The following NMNAT3 variants were observed in gnomAD, a reference collection of about 807,000 sequenced individuals.
The protein encoded by NMNAT3 is nicotinamide/nicotinic acid mononucleotide adenylyltransferase 3.
Under a neutral mutation model 24.8 loss-of-function variants are expected in NMNAT3, and 21 were observed. The observed-to-expected ratio is 0.85, with a 90% confidence interval of 0.60 to 1.22. The LOEUF is 1.22. NMNAT3 is among the 50% of genes most tolerant of loss of function. The pLI, the probability that NMNAT3 is intolerant of heterozygous loss-of-function variation, is 0.00. For missense variants in NMNAT3, 387 were observed against 436.6 expected, an observed-to-expected ratio of 0.89 and a Z score of 1.01; for synonymous variants, 136 against 155.2, an observed-to-expected ratio of 0.88 and a Z score of 0.92.
chr3:139,619,557 C>T (rs1288868458), intron 3 of NMNAT3, among the ~76,000 whole-genome samples: 1 of 152,132 alleles, frequency 6.6e-6, no homozygotes, highest in African/African-American at 2.4e-5. Context: ...TAAAGGAGAG[C>T]CTGCAAGTCC....
At chr3:139,607,950 T>A (rs1198038597) in intron 3 of NMNAT3, among the ~76,000 whole-genome samples, 1 of 152,244 alleles carries the variant, frequency 6.6e-6, no homozygotes, top group Non-Finnish European at 1.5e-5. Context: ...TAGGAATATT[T>A]ATACAGACAC....
chr3:139,602,734 C>G (rs1238723899), intron 3 of NMNAT3, among the ~76,000 whole-genome samples: 1 of 152,164 alleles, frequency 6.6e-6, no homozygotes, highest in South Asian at 2.1e-4. Flanking sequence ...CTATAATGAT[C>G]AAATTACTAA....
At chr3:139,660,871 A>C (rs1052345128) in intron 1 of NMNAT3, among the ~76,000 whole-genome samples, 1 of 152,230 alleles carries the variant, frequency 6.6e-6, no homozygotes, top group African/African-American at 2.4e-5. Context: ...CTAAGTTTGA[A>C]AAATGAACTT....
intron 1 of NMNAT3, among the ~76,000 whole-genome samples, chr3:139,657,729 A>G (rs971740839): frequency 5.3e-5 from 8 of 151,156 alleles, no homozygotes; most frequent in Non-Finnish European, 2.9e-5. Context: ...TGTGGAAGTC[A>G]TGTTGTGGGG....
At chr3:139,596,714 C>T (rs559316831) in intron 3 of NMNAT3, among the ~76,000 whole-genome samples, 61 of 151,790 alleles carry the variant, frequency 4.0e-4, no homozygotes, top group African/African-American at 1.4e-3. Flanking sequence ...GGCATTTTCA[C>T]CGGAAAGCCA....
Position 139,576,376 on chromosome 3 carries a change from C to T in NMNAT3, c.575+2496G>A, listed in dbSNP as rs974397359. ...TCAGCATTTGATAAAACTGTGTTGA[C>T]TGTAACAGTGATTCTCAATTTTGGT... is the stretch of plus-strand genomic sequence containing the variant. On this transcript the variant is annotated intron_variant, in intron 5 of 6. Coordinates refer to ENST00000643695, the MANE Select transcript of NMNAT3 (RefSeq NM_001320510.2). The T allele has an allele frequency of 2.0e-5, 12 of 592,732 alleles. No homozygotes were observed. The African/African-American group carries it at 2.4e-4, about 12-fold the overall frequency. The allele number at this position is 592,732 out of a possible 1,614,324, so 36.7% of individuals were successfully genotyped here.
At chr3:139,629,779 G>T (rs942387381) in intron 2 of NMNAT3, among the ~76,000 whole-genome samples, 1 of 152,106 alleles carries the variant, frequency 6.6e-6, no homozygotes, top group African/African-American at 2.4e-5. Context: ...GATCTTCATG[G>T]CTTCCTGCTT....
chr3:139,561,429 G>A (rs754226905), intron 6 of NMNAT3, 37 bp from the exon 7 acceptor site: 2 of 1,584,816 alleles, frequency 1.3e-6, no homozygotes, highest in Non-Finnish European at 1.7e-6. Context: ...AAGTTAGAGA[G>A]AGGTCACTGC....
intron 3 of NMNAT3, among the ~76,000 whole-genome samples, chr3:139,612,276 T>A (rs1349812568): frequency 1.3e-5 from 2 of 152,138 alleles, no homozygotes; most frequent in Non-Finnish European, 2.9e-5. Flanking sequence ...TGATAGTTTC[T>A]GATTGCTTCG....
At chr3:139,566,276 G>A (rs1224819836) in intron 6 of NMNAT3, 1 of 151,878 alleles carries the variant, frequency 6.6e-6, no homozygotes, top group Non-Finnish European at 1.5e-5. Context: ...TTTGTCAGAT[G>A]AGTAGGTTGC....
intron 3 of NMNAT3, among the ~76,000 whole-genome samples, chr3:139,621,076 T>C (rs988909971): frequency 5.9e-5 from 9 of 152,088 alleles, no homozygotes; most frequent in African/African-American, 1.9e-4. Context: ...AGCCATGCAA[T>C]TGGCCATATT....
chr3:139,662,337 C>T lies in NMNAT3; in HGVS notation c.-141+15368G>A, dbSNP rs960566460. 3.9e-5 allele frequency among the ~76,000 whole-genome samples: 6 copies of T among 152,218 alleles called. No individual in the cohort carries two copies. In the East Asian group the frequency reaches 9.7e-4, roughly 25 times the overall value. On this transcript the variant is annotated intron_variant, in intron 1 of 6. Transcript: ENST00000643695. ...TTGACCCATCAGTCAAACAGCTTGA[C>T]CTCTTGGAGCTTCTATCTGCTCATC...
chr3:139,588,696 AC>A (rs2054043527), intron 3 of NMNAT3, among the ~76,000 whole-genome samples: 1 of 152,090 alleles, frequency 6.6e-6, no homozygotes, highest in Non-Finnish European at 1.5e-5. Context: ...CCTTGGATCC[AC>A]CCCAGCCTCT....
intron 1 of NMNAT3, among the ~76,000 whole-genome samples, chr3:139,658,438 T>C (rs940359046): frequency 6.6e-6 from 1 of 152,198 alleles, no homozygotes. Flanking sequence ...CAAGACCCTC[T>C]GGGGTGGCAA....
At chr3:139,606,604 C>T (rs956489603) in intron 3 of NMNAT3, among the ~76,000 whole-genome samples, 2 of 152,172 alleles carry the variant, frequency 1.3e-5, no homozygotes, top group Non-Finnish European at 2.9e-5. Context: ...TCATATTTCA[C>T]CTACTAATTT....
At chr3:139,670,017 A>G (rs1262148987) in intron 1 of NMNAT3, among the ~76,000 whole-genome samples, 1 of 152,222 alleles carries the variant, frequency 6.6e-6, no homozygotes, top group African/African-American at 2.4e-5. Context: ...CCAATTTACT[A>G]GGAAGAAATA....
intron 3 of NMNAT3, among the ~76,000 whole-genome samples, chr3:139,600,328 G>A (rs1010930253): frequency 2.0e-5 from 3 of 147,224 alleles, no homozygotes; most frequent in East Asian, 2.0e-4. Flanking sequence ...TTTTTGAGAC[G>A]GAGTTTTGCT....
intron 4 of NMNAT3, among the ~76,000 whole-genome samples, chr3:139,582,261 C>T (rs1468627269): frequency 7.1e-6 from 1 of 141,552 alleles, no homozygotes; most frequent in East Asian, 2.2e-4. Flanking sequence ...GAAGATCTAA[C>T]TTCTTAGTAA....
chr3:139,677,560 C>T (rs2057973678), intron 1 of NMNAT3, 145 bp downstream of exon 1: 1 of 152,310 alleles, frequency 6.6e-6, no homozygotes, highest in African/African-American at 2.4e-5. Flanking sequence ...TTCGCGCCAC[C>T]CCGGATGGCT....
Sources: gnomAD v4.1 joint callset for allele counts (sites outside exome capture counted in the v4.1 genomes callset) on GRCh38, gnomAD v4.1.1 for gene constraint, MANE v1.5 for transcripts, NCBI Gene and HGNC (gene_info 2026-07-23, HGNC 2026-07-21) for gene names.